RANBP17: variants seen among roughly 807,000 people sequenced by gnomAD.
The protein encoded by RANBP17 is ran-binding protein 17.
In RANBP17, 158 loss-of-function variants were observed where a neutral mutation model predicts 141.2. That is an observed-to-expected ratio of 1.12 (90% CI 0.98 to 1.28). The LOEUF is 1.28. Among genes scored for constraint, RANBP17 ranks in the 50% most tolerant of loss-of-function variants. RANBP17 has a pLI of 0.00. For synonymous variants in RANBP17, 430 were observed against 450.0 expected (o/e 0.96, Z 0.56); for missense variants, 1,438 against 1,290.7 (o/e 1.11, Z -1.75).
chr5:171,039,747 C>T (rs1419149084), intron 14 of RANBP17, among the ~76,000 whole-genome samples: 1 of 152,042 alleles, frequency 6.6e-6, no homozygotes, highest in Non-Finnish European at 1.5e-5. Context: ...TTATGAACAC[C>T]CCTGTTCACA....
intron 14 of RANBP17, among the ~76,000 whole-genome samples, chr5:171,041,112 C>T (rs1041556204): frequency 1.3e-5 from 2 of 152,134 alleles, no homozygotes; most frequent in African/African-American, 4.8e-5. Flanking sequence ...CTCCTTGCCA[C>T]ATGAAGCCCT....
intron 14 of RANBP17, among the ~76,000 whole-genome samples, chr5:171,105,104 C>T (rs1036126367): frequency 2.6e-5 from 4 of 151,984 alleles, no homozygotes; most frequent in East Asian, 1.9e-4. Context: ...ATTTTCCAGC[C>T]GGGCGCGGTG....
intron 25 of RANBP17, among the ~76,000 whole-genome samples, chr5:171,277,637 G>GTATGTATATGTGTATATATA (rs1554127913): frequency 3.7e-4 from 21 of 56,920 alleles, no homozygotes; most frequent in East Asian, 8.8e-4. Context: ...ATATATGTAT[G>GTATGTATATGTGTATATATA]TATATATATA....
At position 171,213,674 on chromosome 5, in the gene RANBP17, T is replaced by G. The variant is rs764203470; in HGVS notation, c.2275T>G (p.Trp759Gly). ...LPLLQNAVERWYGEPTCTTPI... is the reference protein window; with the variant it reads ...LPLLQNAVERGYGEPTCTTPI... ...CCTTCTTCAGAATGCTGTTGAACGGTGGTATGGAGAGCCAACATGTACAAC... is the reference window on the plus strand; with the variant it reads ...CCTTCTTCAGAATGCTGTTGAACGGGGGTATGGAGAGCCAACATGTACAAC... The change falls in exon 21 of 28, where the codon TGG becomes GGG. Residue 759 changes from tryptophan to glycine, a missense_variant. Physicochemically the swap from Trp to Gly is radical, Grantham distance 184 (BLOSUM62 -2). Coordinates refer to ENST00000523189, the MANE Select transcript of RANBP17 (RefSeq NM_022897.5). The G allele has an allele frequency of 4.8e-5, 77 of 1,613,716 alleles. No individual in the cohort carries two copies. Among genetic ancestry groups the G allele is most frequent in the Admixed American group, 6.7e-5 (4 of 59,966 alleles).
intron 14 of RANBP17, among the ~76,000 whole-genome samples, chr5:171,165,417 A>G (rs571859737): frequency 2.0e-5 from 3 of 152,224 alleles, no homozygotes; most frequent in South Asian, 2.1e-4. Context: ...AGCTCAAGCA[A>G]TCCTCCCACC....
chr5:170,955,681 T>TATATATATATACACACAC (rs769742239), intron 13 of RANBP17, among the ~76,000 whole-genome samples: 2 of 39,064 alleles, frequency 5.1e-5, no homozygotes, highest in African/African-American at 1.5e-4. Context: ...TATATATATA[T>TATATATATATACACACAC]ACACTGAATG....
At chr5:171,150,495 T>C (rs1758396737) in intron 14 of RANBP17, among the ~76,000 whole-genome samples, 1 of 151,984 alleles carries the variant, frequency 6.6e-6, no homozygotes, top group Non-Finnish European at 1.5e-5. Context: ...GCTTACCTAC[T>C]AGATGATATG....
At chr5:170,872,715 A>T (rs1313211493) in intron 1 of RANBP17, among the ~76,000 whole-genome samples, 2 of 152,196 alleles carry the variant, frequency 1.3e-5, no homozygotes, top group South Asian at 2.1e-4. Flanking sequence ...AATTTTTAAC[A>T]TGCAGGGTTG....
chr5:170,896,234 A>G (rs935961041), intron 5 of RANBP17, 119 bp downstream of exon 5: 4 of 673,346 alleles, frequency 5.9e-6, no homozygotes, highest in African/African-American at 5.6e-5. Flanking sequence ...ACTCTGAATA[A>G]TCAAGTTTTT....
In RANBP17 at chr5:171,191,386, G is replaced by A. The variant is rs563858474; in HGVS notation, c.2038+7956G>A. Among the ~76,000 whole-genome samples, 6 of 152,180 alleles carry A rather than the reference G, an allele frequency of 3.9e-5. No homozygotes were observed. In the South Asian group the frequency reaches 1.2e-3, roughly 32 times the overall value. On this transcript the variant is annotated intron_variant, in intron 18 of 27. Transcript: ENST00000523189. ...ATAGGTATTATTCCATTGTTTATCT[G>A]TTAGAAAACTGAGGTTCAGAGGCCG...
At chr5:170,929,016 T>A (rs548506213) in intron 12 of RANBP17, among the ~76,000 whole-genome samples, 6 of 152,232 alleles carry the variant, frequency 3.9e-5, no homozygotes, top group Admixed American at 3.3e-4. Context: ...AGTTTATTCC[T>A]ATGTATTTTT....
intron 2 of RANBP17, among the ~76,000 whole-genome samples, chr5:170,881,142 CA>C (rs916538388): frequency 2.0e-5 from 3 of 151,838 alleles, no homozygotes; most frequent in African/African-American, 7.3e-5. Context: ...TTTAAAATTG[CA>C]AAAAACATTC....
intron 14 of RANBP17, among the ~76,000 whole-genome samples, chr5:171,044,812 A>G (rs1037389402): frequency 3.9e-5 from 6 of 152,114 alleles, no homozygotes; most frequent in Non-Finnish European, 7.4e-5. Context: ...AATAGAAGAA[A>G]TGAATGGTTA....
At chr5:171,059,092 A>C (rs1247300011) in intron 14 of RANBP17, among the ~76,000 whole-genome samples, 2 of 150,564 alleles carry the variant, frequency 1.3e-5, no homozygotes, top group African/African-American at 4.9e-5. Context: ...GGTTGCGAAA[A>C]TTTTCTCCCA....
At position 170,864,593 on chromosome 5, in the gene RANBP17, G is replaced by T. The variant is rs577795547; in HGVS notation, c.18+2542G>T. On this transcript the variant is annotated intron_variant, in intron 1 of 27. Transcript: ENST00000523189. ...CCCTGACAGGCAATCCAGATAAGGG[G>T]GCAGAGTGAGGAAAAAGAATTGAGA... Among the ~76,000 whole-genome samples, 8 of 152,240 alleles carry T rather than the reference G, an allele frequency of 5.3e-5. No homozygotes were observed. The South Asian group carries it at 1.5e-3, about 28-fold the overall frequency.
chr5:170,896,842 C>G (rs1770167155), intron 5 of RANBP17: 10 of 469,102 alleles, frequency 2.1e-5, no homozygotes, highest in South Asian at 1.8e-4. Flanking sequence ...ACAACAATAA[C>G]AAGAAACAAT....
intron 12 of RANBP17, among the ~76,000 whole-genome samples, chr5:170,935,910 A>C (rs1391868938): frequency 1.3e-5 from 2 of 152,230 alleles, no homozygotes; most frequent in African/African-American, 4.8e-5. Context: ...CTACAGAGGC[A>C]GGCAGGCCTC....
intron 14 of RANBP17, among the ~76,000 whole-genome samples, chr5:171,061,776 C>G (rs1054381424): frequency 6.6e-6 from 1 of 152,112 alleles, no homozygotes; most frequent in Non-Finnish European, 1.5e-5. Context: ...TAAAATCTCC[C>G]ATTATTAATG....
intron 14 of RANBP17, among the ~76,000 whole-genome samples, chr5:171,153,259 G>A (rs1758617261): frequency 6.6e-6 from 1 of 152,200 alleles, no homozygotes; most frequent in African/African-American, 2.4e-5. Flanking sequence ...ATCTTATTAA[G>A]AAACAGTGGG....
Sources: gnomAD v4.1 joint callset for allele counts (sites outside exome capture counted in the v4.1 genomes callset) on GRCh38, gnomAD v4.1.1 for gene constraint, MANE v1.5 for transcripts, NCBI Gene and HGNC (gene_info 2026-07-23, HGNC 2026-07-21) for gene names.